TMEFF2: variants seen among roughly 807,000 people sequenced by gnomAD.
TMEFF2 encodes tomoregulin-2.
Under a neutral mutation model 53.8 loss-of-function variants are expected in TMEFF2, and 28 were observed. The ratio of observed to expected loss-of-function variants is 0.52; its 90% confidence interval spans 0.39 to 0.71. The LOEUF (loss-of-function observed/expected upper bound fraction) is 0.71, where lower values mean the gene tolerates loss of function less well. TMEFF2 is among the 30% of genes least tolerant of loss of function. TMEFF2 has a pLI of 0.00. For missense variants in TMEFF2, 353 were observed against 455.2 expected (o/e 0.78, Z 2.04); for synonymous variants, 162 against 166.3 (o/e 0.97, Z 0.20).
intron 7 of TMEFF2, among the ~76,000 whole-genome samples, chr2:191,972,126 A>C (rs1170035925): frequency 6.9e-6 from 1 of 145,976 alleles, no homozygotes; most frequent in East Asian, 2.0e-4. Flanking sequence ...CAAGCTAAGA[A>C]GTATTGCGTT....
rs1691828909 is a variant in TMEFF2 at position 191,950,227 on chromosome 2, T to C, written c.*84A>G. ...ACAAATGCAAGGCAACATGTGTAGA[T>C]CTCTTGTCTTATTCTTTTGTCTATA... On this transcript the variant is annotated 3_prime_UTR_variant, in exon 10 of 10. Transcript: ENST00000272771. 1.3e-6 allele frequency: 2 copies of C among 1,583,486 alleles called. No individual in the cohort carries two copies. Among genetic ancestry groups the C allele is most frequent in the Non-Finnish European group, 1.7e-6 (2 of 1,165,178 alleles).
In TMEFF2 at chr2:191,973,756, C is replaced by T. The variant is rs577081419; in HGVS notation, c.746-17378G>A. 1.7e-3 allele frequency among the ~76,000 whole-genome samples: 263 copies of T among 152,206 alleles called. 2 individuals carry two copies. The highest frequency in any genetic ancestry group is 6.1e-3 in the African/African-American group (253 of 41,524). ...ATCCCCACATGTCACAGGAGGGATC[C>T]GGTGGGAGGTAATTGAATCATGGGG... is the stretch of plus-strand genomic sequence containing the variant. On this transcript the variant is annotated intron_variant, in intron 7 of 9. Transcript: ENST00000272771.
intron 5 of TMEFF2, chr2:192,031,928 T>C (rs1013183920): frequency 6.6e-6 from 1 of 152,180 alleles, no homozygotes; most frequent in Non-Finnish European, 1.5e-5. Flanking sequence ...TCAGATAATA[T>C]ACTTACTTAT....
chr2:191,960,601 T>C (rs1181367771), intron 7 of TMEFF2, among the ~76,000 whole-genome samples: 1 of 152,238 alleles, frequency 6.6e-6, no homozygotes, highest in African/African-American at 2.4e-5. Context: ...TCAAATGATA[T>C]TTCTCTGGTA....
At chr2:191,980,440 A>G (rs528721935) in intron 7 of TMEFF2, among the ~76,000 whole-genome samples, 20 of 152,344 alleles carry the variant, frequency 1.3e-4, no homozygotes, top group African/African-American at 4.1e-4. Flanking sequence ...ATTTTAAAAT[A>G]CAACTCTCAC....
intron 5 of TMEFF2, among the ~76,000 whole-genome samples, chr2:192,055,117 AAAT>A (rs1363257019): frequency 1.3e-5 from 2 of 152,258 alleles, no homozygotes; most frequent in African/African-American, 4.8e-5. Flanking sequence ...CAGCTTGAAA[AAAT>A]GATGCTGAAA....
At chr2:192,085,755 CA>C (rs2105929629) in intron 4 of TMEFF2, among the ~76,000 whole-genome samples, 1 of 147,918 alleles carries the variant, frequency 6.8e-6, no homozygotes, top group African/African-American at 2.5e-5. Flanking sequence ...ATTCAGTAAA[CA>C]AAGTCAGGTC....
chr2:191,987,736 T>G (rs1686013796), intron 7 of TMEFF2, among the ~76,000 whole-genome samples: 1 of 152,188 alleles, frequency 6.6e-6, no homozygotes, highest in Admixed American at 6.5e-5. Context: ...TGCATCCTAC[T>G]CCAAGCTCTT....
At chr2:192,128,272 T>C (rs541705944) in intron 4 of TMEFF2, among the ~76,000 whole-genome samples, 1 of 152,360 alleles carries the variant, frequency 6.6e-6, no homozygotes, top group South Asian at 2.1e-4. Context: ...ACTTTTATAC[T>C]ATGTAAGAAT....
intron 9 of TMEFF2, among the ~76,000 whole-genome samples, chr2:191,952,956 G>C (rs545749058): frequency 1.3e-5 from 2 of 152,232 alleles, no homozygotes; most frequent in South Asian, 4.2e-4. Context: ...GACTTTTCTG[G>C]TTACACAGAA....
At chr2:192,136,543 G>C (rs562301319) in intron 4 of TMEFF2, among the ~76,000 whole-genome samples, 267 of 152,196 alleles carry the variant, frequency 1.8e-3, no homozygotes, top group African/African-American at 5.5e-3. Flanking sequence ...TTTAAATTGA[G>C]TGTATAGTAG....
At chr2:191,993,180 A>T (rs4483986) in intron 7 of TMEFF2, among the ~76,000 whole-genome samples, 116,053 of 151,948 alleles carry the variant, frequency 0.76, 44,615 homozygotes, top group East Asian at 0.89. Context: ...TATTAGGACA[A>T]CTCACTTAAA....
chr2:191,992,135 T>A (rs1334387903), intron 7 of TMEFF2, among the ~76,000 whole-genome samples: 1 of 152,122 alleles, frequency 6.6e-6, no homozygotes, highest in Admixed American at 6.6e-5. Flanking sequence ...GCTAGTCTGG[T>A]GGCACTGTAA....
intron 4 of TMEFF2, among the ~76,000 whole-genome samples, chr2:192,154,993 G>T (rs1395334862): frequency 6.6e-6 from 1 of 151,700 alleles, no homozygotes; most frequent in Admixed American, 6.6e-5. Flanking sequence ...CCCTTCCTGG[G>T]AACTTTAAGT....
intron 4 of TMEFF2, among the ~76,000 whole-genome samples, chr2:192,071,615 C>T (rs558005578): frequency 1.3e-5 from 2 of 151,984 alleles, no homozygotes; most frequent in East Asian, 3.9e-4. Context: ...CCAGAATCCA[C>T]AAATGCTCTA....
At chr2:192,178,138 A>G (rs551253310) in intron 4 of TMEFF2, 6 of 151,188 alleles carry the variant, frequency 4.0e-5, no homozygotes, top group Admixed American at 4.0e-4. Context: ...TCAGCACAAT[A>G]TTTGCAAAAT....
chr2:192,138,018 C>A (rs1318851897), intron 4 of TMEFF2, among the ~76,000 whole-genome samples: 1 of 152,072 alleles, frequency 6.6e-6, no homozygotes, highest in Non-Finnish European at 1.5e-5. Flanking sequence ...GGGGTTTCAG[C>A]ATATTGGCCA....
At chr2:192,085,365 GAGATAAACA>G (rs1422868629) in intron 4 of TMEFF2, among the ~76,000 whole-genome samples, 1 of 152,114 alleles carries the variant, frequency 6.6e-6, no homozygotes, top group Non-Finnish European at 1.5e-5. Context: ...AGGCCAAAAT[GAGATAAACA>G]AGGTATCAGG....
At chr2:192,114,890 T>C (rs1005997219) in intron 4 of TMEFF2, among the ~76,000 whole-genome samples, 2 of 152,018 alleles carry the variant, frequency 1.3e-5, no homozygotes, top group Non-Finnish European at 2.9e-5. Flanking sequence ...TGATGATGAA[T>C]GTGTTAATTG....
Sources: gnomAD v4.1 joint callset for allele counts (sites outside exome capture counted in the v4.1 genomes callset) on GRCh38, gnomAD v4.1.1 for gene constraint, MANE v1.5 for transcripts, NCBI Gene and HGNC (gene_info 2026-07-23, HGNC 2026-07-21) for gene names.